TMC1: variants seen among roughly 807,000 people sequenced by gnomAD.
TMC1 encodes transmembrane channel-like protein 1.
TMC1 carries 84 observed loss-of-function variants against 105.8 expected under a neutral mutation model. The observed-to-expected ratio is 0.79, with a 90% CI of 0.67 to 0.95. The LOEUF (loss-of-function observed/expected upper bound fraction) is 0.95, where lower values mean the gene tolerates loss of function less well. Ranked by LOEUF, TMC1 falls within the 40% of genes least tolerant of loss-of-function variation. The probability of loss-of-function intolerance (pLI) is 0.00; values close to 1 mark genes in which losing one functional copy is unlikely to be tolerated. For missense variants in TMC1, 817 were observed against 914.1 expected, an observed-to-expected ratio of 0.89 and a Z score of 1.37; for synonymous variants, 315 against 311.5, an observed-to-expected ratio of 1.01 and a Z score of -0.12.
intron 23 of TMC1, among the ~76,000 whole-genome samples, chr9:72,835,410 C>T (rs537532068): frequency 2.6e-5 from 4 of 152,298 alleles, no homozygotes; most frequent in African/African-American, 9.6e-5. Context: ...GAAGCACATA[C>T]ATCACATATA....
chr9:72,778,683 A>G (rs1309674143), intron 13 of TMC1, among the ~76,000 whole-genome samples: 4 of 152,156 alleles, frequency 2.6e-5, no homozygotes, highest in Admixed American at 2.6e-4. Context: ...TCAGACCAAT[A>G]CAGAGCAGGG....
At chr9:72,698,715 C>CATAA in intron 7 of TMC1, among the ~76,000 whole-genome samples, 1 of 152,098 alleles carries the variant, frequency 6.6e-6, no homozygotes, top group Non-Finnish European at 1.5e-5. Flanking sequence ...AGGGTTGAAA[C>CATAA]GAAAACACTG....
Position 72,836,167 on chromosome 9 carries a change from C to A in TMC1, c.*194C>A. Reference sequence around the variant, plus strand: ...AGCAACAAGAATCTAAACTTTATTCCAAGTCAGAAACTGTTTCTGCAGAGC... The same window carrying A: ...AGCAACAAGAATCTAAACTTTATTCAAAGTCAGAAACTGTTTCTGCAGAGC... On this transcript the variant is annotated 3_prime_UTR_variant, in exon 24 of 24. Coordinates refer to ENST00000297784, the MANE Select transcript of TMC1 (RefSeq NM_138691.3). The A allele has an allele frequency of 1.4e-6, 1 of 695,468 alleles. No individual in the cohort carries two copies. The highest frequency in any genetic ancestry group is 2.6e-6 in the Non-Finnish European group (1 of 385,440). The allele number at this position is 695,468 out of a possible 1,614,324, so 43.1% of individuals were successfully genotyped here. A position where few individuals can be genotyped will look rare whatever the true frequency, so the allele number is the denominator to read the frequency against.
At chr9:72,714,093 A>T (rs1247312813) in intron 8 of TMC1, among the ~76,000 whole-genome samples, 1 of 152,154 alleles carries the variant, frequency 6.6e-6, no homozygotes, top group Admixed American at 6.5e-5. Flanking sequence ...TGAGTTTCTT[A>T]ATCCTGAGTT....
intron 23 of TMC1, among the ~76,000 whole-genome samples, chr9:72,833,101 G>A (rs1222076020): frequency 4.6e-5 from 7 of 151,768 alleles, no homozygotes; most frequent in Non-Finnish European, 7.4e-5. Context: ...ATATTTAAAC[G>A]ATTTTTATAC....
At chr9:72,729,378 G>A (rs1026942172) in intron 8 of TMC1, among the ~76,000 whole-genome samples, 1 of 152,128 alleles carries the variant, frequency 6.6e-6, no homozygotes, top group African/African-American at 2.4e-5. Context: ...TTATGAAAAT[G>A]TACATGCAAT....
At chr9:72,774,736 A>G (rs1041686544) in intron 13 of TMC1, among the ~76,000 whole-genome samples, 22 of 152,308 alleles carry the variant, frequency 1.4e-4, no homozygotes, top group African/African-American at 5.3e-4. Flanking sequence ...ACAACTCAAA[A>G]ACAATACACC....
intron 2 of TMC1, among the ~76,000 whole-genome samples, chr9:72,611,070 A>G (rs1383975603): frequency 6.6e-6 from 1 of 152,198 alleles, no homozygotes; most frequent in Non-Finnish European, 1.5e-5. Flanking sequence ...TTGGATGGGA[A>G]CAATATCTTG....
chr9:72,787,906 A>G (rs966571779), intron 13 of TMC1, among the ~76,000 whole-genome samples: 1 of 152,142 alleles, frequency 6.6e-6, no homozygotes. Context: ...GAGGCTTCAG[A>G]TGGTCTGGGA....
At chr9:72,792,745 A>T (rs1828296041) in intron 17 of TMC1, among the ~76,000 whole-genome samples, 1 of 152,180 alleles carries the variant, frequency 6.6e-6, no homozygotes, top group African/African-American at 2.4e-5. Flanking sequence ...ACAAACAAAA[A>T]CAGAGTCTTG....
chr9:72,600,813 C>G (rs1824797394), intron 2 of TMC1, among the ~76,000 whole-genome samples: 1 of 152,024 alleles, frequency 6.6e-6, no homozygotes, highest in Admixed American at 6.6e-5. Context: ...CAGTGCATAC[C>G]AGAATCATCA....
At chr9:72,660,474 A>G (rs1481899853) in intron 5 of TMC1, among the ~76,000 whole-genome samples, 1 of 152,230 alleles carries the variant, frequency 6.6e-6, no homozygotes, top group Non-Finnish European at 1.5e-5. Flanking sequence ...GATTCAAAGA[A>G]GAGAGGAGTT....
intron 1 of TMC1, among the ~76,000 whole-genome samples, chr9:72,550,055 C>T (rs1823835551): frequency 6.6e-6 from 1 of 151,444 alleles, no homozygotes; most frequent in African/African-American, 2.4e-5. Context: ...GCTCATATTA[C>T]ATTTTAAATG....
At chr9:72,567,581 A>G (rs918625612) in intron 1 of TMC1, among the ~76,000 whole-genome samples, 10 of 152,188 alleles carry the variant, frequency 6.6e-5, no homozygotes, top group African/African-American at 1.9e-4. Context: ...AGTAGGAGAA[A>G]TGCCAGATGC....
intron 18 of TMC1, among the ~76,000 whole-genome samples, chr9:72,811,385 A>G (rs955363312): frequency 9.9e-5 from 15 of 152,176 alleles, no homozygotes; most frequent in Non-Finnish European, 1.9e-4. Flanking sequence ...ATGTCTCCAA[A>G]GGCTTCTCTG....
intron 20 of TMC1, among the ~76,000 whole-genome samples, chr9:72,821,513 A>AAAT (rs1174498732): frequency 1.3e-5 from 2 of 152,082 alleles, no homozygotes; most frequent in Non-Finnish European, 2.9e-5. Context: ...AAAAAAAAAA[A>AAAT]AAAAGAAAGA....
chr9:72,733,060 A>T (rs902182183), intron 8 of TMC1, among the ~76,000 whole-genome samples: 3 of 152,194 alleles, frequency 2.0e-5, no homozygotes, highest in African/African-American at 7.2e-5. Flanking sequence ...CAATTATGAC[A>T]TGAGATAGGG....
chr9:72,821,000 T>C lies in TMC1; in HGVS notation c.1922T>C (p.Leu641Pro). The C allele has an allele frequency of 6.2e-7, 1 of 1,614,198 alleles. No individual in the cohort carries two copies. Among genetic ancestry groups the C allele is most frequent in the African/African-American group, 1.3e-5 (1 of 75,046 alleles). The change falls in exon 20 of 24, where the codon CTG becomes CCG. Residue 641 changes from leucine (L) to proline (P), a missense_variant. Physicochemically the swap from Leu to Pro is moderately conservative, Grantham distance 98. Coordinates refer to ENST00000297784, the MANE Select transcript of TMC1 (RefSeq NM_138691.3). ...RSNNFYLGML[L>P]LILFLSTMPV... ...AATAACTTCTACCTGGGCATGCTAC[T>C]GCTCATCCTCTTCCTGTCCACAATG...
chr9:72,640,702 G>A (rs1302801119), intron 4 of TMC1, among the ~76,000 whole-genome samples: 3 of 151,304 alleles, frequency 2.0e-5, no homozygotes, highest in African/African-American at 7.3e-5. Context: ...GCGCGACCTC[G>A]GCTCACTGCA....
Sources: gnomAD v4.1 joint callset for allele counts (sites outside exome capture counted in the v4.1 genomes callset) on GRCh38, gnomAD v4.1.1 for gene constraint, MANE v1.5 for transcripts, NCBI Gene and HGNC (gene_info 2026-07-23, HGNC 2026-07-21) for gene names.